Variants in CLPX observed in about 807,000 individuals in gnomAD.
CLPX encodes ATP-dependent clpX-like chaperone, mitochondrial.
A neutral mutation model predicts 76.4 loss-of-function variants in CLPX; 34 were observed. The ratio of observed to expected loss-of-function variants is 0.45; its 90% CI spans 0.34 to 0.59. The LOEUF is 0.59. CLPX is among the 20% of genes least tolerant of loss of function. The probability of loss-of-function intolerance (pLI) is 0.01; values close to 1 mark genes in which losing one functional copy is unlikely to be tolerated. For missense variants in CLPX, 613 were observed against 757.0 expected, an observed-to-expected ratio of 0.81 and a Z score of 2.23; for synonymous variants, 248 against 270.9, an observed-to-expected ratio of 0.92 and a Z score of 0.83.
intron 2 of CLPX, 122 bp downstream of exon 2, chr15:65,179,922 C>A (rs2088140893): frequency 3.5e-6 from 2 of 568,212 alleles, no homozygotes; most frequent in Non-Finnish European, 2.8e-6. Context: ...TTATTCAGAT[C>A]ATTTTAGCTA....
At chr15:65,183,464 A>G in intron 1 of CLPX, among the ~76,000 whole-genome samples, 1 of 146,688 alleles carries the variant, frequency 6.8e-6, no homozygotes, top group South Asian at 2.1e-4. Context: ...CTGTCTCAAA[A>G]AAAAAAAAAA....
chr15:65,160,029 T>C (rs1353026285), intron 6 of CLPX, among the ~76,000 whole-genome samples: 2 of 152,176 alleles, frequency 1.3e-5, no homozygotes, highest in Non-Finnish European at 2.9e-5. Context: ...CCCAGGCTGG[T>C]CTTGAACTGC....
intron 3 of CLPX, among the ~76,000 whole-genome samples, chr15:65,178,463 G>A (rs2088118062): frequency 1.3e-5 from 2 of 152,214 alleles, no homozygotes; most frequent in South Asian, 4.1e-4. Flanking sequence ...AGAGAATCAG[G>A]TAAGCTCATA....
intron 3 of CLPX, among the ~76,000 whole-genome samples, chr15:65,175,921 A>T (rs144672714): frequency 6.6e-6 from 1 of 152,210 alleles, no homozygotes; most frequent in Non-Finnish European, 1.5e-5. Flanking sequence ...AGGGCCTACA[A>T]ATAGTTAGAG....
At chr15:65,162,096 C>T (rs58027707) in intron 6 of CLPX, among the ~76,000 whole-genome samples, 2 of 152,280 alleles carry the variant, frequency 1.3e-5, no homozygotes, top group East Asian at 3.9e-4. Context: ...CTATATCCAC[C>T]TCCAAAGGAA....
chr15:65,173,528 A>G (rs1370421151), intron 3 of CLPX, among the ~76,000 whole-genome samples: 1 of 152,188 alleles, frequency 6.6e-6, no homozygotes, highest in Non-Finnish European at 1.5e-5. Flanking sequence ...CACATGACCC[A>G]GCAATTCCAC....
Position 65,185,212 on chromosome 15 carries a change from G to A in CLPX, c.-59C>T. 1 of 1,419,030 alleles carries A rather than the reference G, an allele frequency of 7.0e-7. No individual in the cohort carries two copies. Among genetic ancestry groups the A allele is most frequent in the Non-Finnish European group, 9.7e-7 (1 of 1,032,428 alleles). 87.9% of individuals were successfully genotyped at this position (1,419,030 alleles called of 1,614,324 possible). On this transcript the variant is annotated 5_prime_UTR_variant, in exon 1 of 14. Transcript: ENST00000300107. ...GAGGACCTCCGGGTCACAGCGGCGTGAATCCTGCCCGCAAGGCGCGCTGAC... is the reference window on the plus strand; with the variant it reads ...GAGGACCTCCGGGTCACAGCGGCGTAAATCCTGCCCGCAAGGCGCGCTGAC...
chr15:65,158,578 A>G lies in CLPX; in HGVS notation c.889T>C (p.Ser297Pro). The change falls in exon 7 of 14, where the codon TCA becomes CCA. Residue 297 changes from serine to proline, a missense_variant. Transcript: ENST00000300107. ...SNILLLGPTG[S>P]GKTLLAQTLA... ...ATTTTCTCAGCAAGTTATTTACCTG[A>G]CCCAGTTGGTCCAAGCAGCAAAATA... is the stretch of plus-strand genomic sequence containing the variant. 6.2e-7 allele frequency: 1 copy of G among 1,609,160 alleles called. No homozygotes were observed. The highest frequency in any genetic ancestry group is 8.5e-7 in the Non-Finnish European group (1 of 1,178,136).
chr15:65,181,141 G>A (rs2088163806), intron 1 of CLPX, among the ~76,000 whole-genome samples: 1 of 151,902 alleles, frequency 6.6e-6, no homozygotes, highest in Admixed American at 6.6e-5. Flanking sequence ...AGAGGTTGCA[G>A]TGAGCCAAGA....
chr15:65,162,481 G>A (rs145028602), intron 6 of CLPX, 123 bp downstream of exon 6: 856 of 603,928 alleles, frequency 1.4e-3, no homozygotes, highest in Non-Finnish European at 1.9e-3. Context: ...TAGATAATAC[G>A]TATCTTTCTT....
At chr15:65,179,427 C>A (rs1049770475) in intron 2 of CLPX, among the ~76,000 whole-genome samples, 4 of 152,162 alleles carry the variant, frequency 2.6e-5, no homozygotes, top group Non-Finnish European at 5.9e-5. Context: ...TTAGATCTAA[C>A]TTTTCTCATC....
chr15:65,155,214 A>C, intron 10 of CLPX, 133 bp from the exon 11 acceptor site: 1 of 876,078 alleles, frequency 1.1e-6, no homozygotes, highest in South Asian at 1.8e-5. Context: ...ACATTTTACA[A>C]AGGAAAAAAA....
At chr15:65,181,891 A>AG (rs902669710) in intron 1 of CLPX, among the ~76,000 whole-genome samples, 5 of 151,952 alleles carry the variant, frequency 3.3e-5, no homozygotes, top group East Asian at 1.9e-4. Flanking sequence ...TGGGAGGCCC[A>AG]GGGGGGCAGA....
intron 3 of CLPX, among the ~76,000 whole-genome samples, chr15:65,170,707 T>C (rs753145938): frequency 8.1e-5 from 12 of 148,552 alleles, no homozygotes; most frequent in African/African-American, 1.7e-4. Context: ...GAGGCGGAGG[T>C]TGCAGTGAGC....
At chr15:65,158,376 G>T in intron 7 of CLPX, 199 bp downstream of exon 7, 1 of 468,132 alleles carries the variant, frequency 2.1e-6, no homozygotes, top group Non-Finnish European at 3.7e-6. Flanking sequence ...GAAGATGTTA[G>T]GGATTGGCCT....
intron 11 of CLPX, 166 bp downstream of exon 11, chr15:65,154,616 C>T (rs2087764259): frequency 1.0e-5 from 6 of 579,614 alleles, no homozygotes; most frequent in Non-Finnish European, 1.8e-5. Flanking sequence ...CTCCTAAATT[C>T]TAACATAATA....
At chr15:65,167,345 C>T (rs1429877591) in intron 3 of CLPX, among the ~76,000 whole-genome samples, 1 of 151,928 alleles carries the variant, frequency 6.6e-6, no homozygotes, top group Non-Finnish European at 1.5e-5. Flanking sequence ...CTGGGATTTA[C>T]AGGCGTGAGC....
At chr15:65,175,141 C>A (rs1430204344) in intron 3 of CLPX, among the ~76,000 whole-genome samples, 1 of 152,018 alleles carries the variant, frequency 6.6e-6, no homozygotes, top group Non-Finnish European at 1.5e-5. Context: ...TTACAACTGA[C>A]CAAAAAGCAT....
At chr15:65,167,459 T>C (rs1173351031) in intron 3 of CLPX, among the ~76,000 whole-genome samples, 1 of 152,078 alleles carries the variant, frequency 6.6e-6, no homozygotes, top group African/African-American at 2.4e-5. Context: ...AAAAGTAAAA[T>C]ACAAGATTCA....
Sources: gnomAD v4.1 joint callset for allele counts (sites outside exome capture counted in the v4.1 genomes callset) on GRCh38, gnomAD v4.1.1 for gene constraint, MANE v1.5 for transcripts, NCBI Gene and HGNC (gene_info 2026-07-23, HGNC 2026-07-21) for gene names.